IL16: variants seen among roughly 807,000 people sequenced by gnomAD.
IL16 encodes interleukin 16.
A neutral mutation model predicts 110.1 loss-of-function variants in IL16; 67 were observed. The ratio of observed to expected loss-of-function variants is 0.61; its 90% confidence interval spans 0.50 to 0.75. IL16 has a LOEUF of 0.75. IL16 is among the 30% of genes least tolerant of loss of function. The pLI, the probability that IL16 is intolerant of heterozygous loss-of-function variation, is 0.00. For synonymous variants in IL16, 689 were observed against 662.9 expected (o/e 1.04, Z -0.61); for missense variants, 1,545 against 1,655.0 (o/e 0.93, Z 1.15).
chr15:81,201,667 GC>G (rs1895819139), intron 1 of IL16, among the ~76,000 whole-genome samples: 1 of 151,952 alleles, frequency 6.6e-6, no homozygotes, highest in Non-Finnish European at 1.5e-5. Context: ...TTATTATATT[GC>G]CACTTTGTAT....
In IL16 at chr15:81,297,787, G is replaced by A. The variant is rs188143328; in HGVS notation, c.2053+709G>A. On this transcript the variant is annotated intron_variant, in intron 13 of 18. Coordinates refer to ENST00000683961, the MANE Select transcript of IL16 (RefSeq NM_172217.5). Reference sequence around the variant, plus strand: ...TCGTGAGGCCCTGTGCTAGATGCTGGGGGGAGAGAGAGAAAGGGATGAGAC... The same window carrying A: ...TCGTGAGGCCCTGTGCTAGATGCTGAGGGGAGAGAGAGAAAGGGATGAGAC... Among the ~76,000 whole-genome samples the A allele has an allele frequency of 2.0e-3, 297 of 152,254 alleles. 1 individual carries two copies. Among genetic ancestry groups the A allele is most frequent in the African/African-American group, 6.8e-3 (282 of 41,560 alleles).
At chr15:81,182,780 C>T (rs180733761) in exon 1 of IL16, 197 of 891,672 alleles carry the variant, frequency 2.2e-4, no homozygotes, top group African/African-American at 1.7e-3. Flanking sequence ...AAGCTGCCAT[C>T]GATCCTCCCA....
At chr15:81,222,114 G>A (rs1480934033) in intron 1 of IL16, among the ~76,000 whole-genome samples, 2 of 152,102 alleles carry the variant, frequency 1.3e-5, no homozygotes, top group African/African-American at 4.8e-5. Context: ...GGAAGGGAAA[G>A]GGAATTGGGT....
In IL16 at chr15:81,196,921, T is replaced by C; in HGVS notation, c.-333T>C. On this transcript the variant is annotated 5_prime_UTR_variant, in exon 1 of 19. Coordinates refer to ENST00000683961, the MANE Select transcript of IL16 (RefSeq NM_172217.5). Reference sequence around the variant, plus strand: ...CCTGTCCAGAGCAGGTGGTGAATATTGTGTCCTACTCACGGCATCTCAACT... The same window carrying C: ...CCTGTCCAGAGCAGGTGGTGAATATCGTGTCCTACTCACGGCATCTCAACT... 2 of 1,229,484 alleles carry C rather than the reference T, an allele frequency of 1.6e-6. No individual in the cohort carries two copies. Among genetic ancestry groups the C allele is most frequent in the South Asian group, 2.8e-5 (2 of 70,892 alleles). 76.2% of individuals were successfully genotyped at this position (1,229,484 alleles called of 1,614,324 possible).
chr15:81,208,150 T>C (rs953827117), intron 1 of IL16, among the ~76,000 whole-genome samples: 1 of 152,222 alleles, frequency 6.6e-6, no homozygotes, highest in African/African-American at 2.4e-5. Flanking sequence ...TTTTCATATA[T>C]TTCTTGGCTG....
chr15:81,241,510 AT>A (rs1897336083), intron 2 of IL16, among the ~76,000 whole-genome samples: 1 of 152,110 alleles, frequency 6.6e-6, no homozygotes, highest in Non-Finnish European at 1.5e-5. Flanking sequence ...CTTTCATTAG[AT>A]TAGTTCCCAG....
At chr15:81,278,452 A>T (rs574516610) in intron 6 of IL16, among the ~76,000 whole-genome samples, 5 of 152,242 alleles carry the variant, frequency 3.3e-5, no homozygotes, top group African/African-American at 1.2e-4. Flanking sequence ...TGCACAGACC[A>T]TTGTGGAAAA....
intron 8 of IL16, among the ~76,000 whole-genome samples, chr15:81,282,100 A>G (rs1258404510): frequency 6.6e-6 from 1 of 151,884 alleles, no homozygotes; most frequent in Non-Finnish European, 1.5e-5. Flanking sequence ...CCTCTCTCTC[A>G]CCGTCATGTG....
intron 6 of IL16, among the ~76,000 whole-genome samples, chr15:81,277,098 TAAAA>T (rs1243041550): frequency 6.6e-6 from 1 of 150,456 alleles, no homozygotes; most frequent in Non-Finnish European, 1.5e-5. Flanking sequence ...GTCATTGAAA[TAAAA>T]AACTCAATGG....
At chr15:81,196,214 A>G (rs80120892), upstream of IL16, among the ~76,000 whole-genome samples, 570 of 152,328 alleles carry the variant, frequency 3.7e-3, 4 homozygotes, top group African/African-American at 0.013. Flanking sequence ...AATGCTATGG[A>G]AAAAGCCTGG....
intron 1 of IL16, among the ~76,000 whole-genome samples, chr15:81,207,266 A>C (rs999627110): frequency 7.2e-5 from 11 of 151,760 alleles, no homozygotes; most frequent in African/African-American, 2.7e-4. Context: ...AAAAAACAAA[A>C]AAAAGAAAAG....
Position 81,303,384 on chromosome 15 carries a change from G to A in IL16, c.3319-165G>A. On this transcript the variant is annotated intron_variant, in intron 15 of 18. Transcript: ENST00000683961. The surrounding 1 kb of genome is among the most constrained non-coding windows in gnomAD (Gnocchi z 4.1). ...TCTAAGCTTCCCATGACTCCTGAAG[G>A]TCCATTCTTTACAGATGAGGAAACT... 3.4e-6 allele frequency: 2 copies of A among 591,672 alleles called. No individual in the cohort carries two copies. Among genetic ancestry groups the A allele is most frequent in the South Asian group, 2.1e-5 (1 of 48,600 alleles). The allele number at this position is 591,672 out of a possible 1,614,324, so 36.7% of individuals were successfully genotyped here.
At chr15:81,191,845 G>C (rs777129482) in intron 1 of IL16, among the ~76,000 whole-genome samples, 46 of 152,296 alleles carry the variant, frequency 3.0e-4, no homozygotes, top group Middle Eastern at 3.4e-3. Context: ...GGGTGGCTGT[G>C]GGATGCAGCG....
At chr15:81,255,522 A>G (rs1322007369) in intron 2 of IL16, among the ~76,000 whole-genome samples, 1 of 152,166 alleles carries the variant, frequency 6.6e-6, no homozygotes, top group African/African-American at 2.4e-5. Context: ...AAGGAAGGAG[A>G]AGGACTCATC....
At chr15:81,186,177 T>C (rs1431568040) in intron 1 of IL16, among the ~76,000 whole-genome samples, 1 of 152,228 alleles carries the variant, frequency 6.6e-6, no homozygotes, top group Non-Finnish European at 1.5e-5. Context: ...TCCTGAGTGC[T>C]TTCAGCACCA....
At chr15:81,296,663 AG>A (rs1434594317) in intron 12 of IL16, among the ~76,000 whole-genome samples, 6 of 152,200 alleles carry the variant, frequency 3.9e-5, no homozygotes, top group African/African-American at 1.4e-4. Context: ...ATAAAGAGTC[AG>A]GGTCTTCAAG....
chr15:81,268,034 T>C (rs922568799), intron 4 of IL16, among the ~76,000 whole-genome samples: 2 of 152,226 alleles, frequency 1.3e-5, no homozygotes, highest in Middle Eastern at 3.2e-3. Flanking sequence ...TTTCACATTG[T>C]CTTCATAACA....
chr15:81,215,810 C>T (rs1184491791), intron 1 of IL16, among the ~76,000 whole-genome samples: 1 of 152,172 alleles, frequency 6.6e-6, no homozygotes, highest in Non-Finnish European at 1.5e-5. Flanking sequence ...CAGATCCTGG[C>T]TTTGTATTCC....
chr15:81,298,379 C>T (rs897928346), intron 13 of IL16, among the ~76,000 whole-genome samples: 1 of 152,198 alleles, frequency 6.6e-6, no homozygotes, highest in Non-Finnish European at 1.5e-5. Flanking sequence ...CTCCCTCTGC[C>T]CCTGGGAAAG....
Sources: allele counts gnomAD v4.1 joint callset (sites outside exome capture counted in the v4.1 genomes callset), GRCh38; gene constraint gnomAD v4.1.1; non-coding constraint Gnocchi (gnomAD v3.1); transcripts MANE v1.5; gene names NCBI Gene and HGNC (gene_info 2026-07-23, HGNC 2026-07-21).